Variants in RNF13 observed in about 807,000 individuals in gnomAD.
The protein encoded by RNF13 is ring finger protein 13, also known as E3 ubiquitin-protein ligase RNF13.
In RNF13, 19 loss-of-function variants were observed where a neutral mutation model predicts 37.7. The observed-to-expected ratio is 0.50, with a 90% CI of 0.35 to 0.74. The LOEUF (loss-of-function observed/expected upper bound fraction) is 0.74. Ranked by LOEUF, RNF13 falls within the 30% of genes least tolerant of loss-of-function variation. The pLI, the probability that RNF13 is intolerant of heterozygous loss-of-function variation, is 0.01. For missense variants in RNF13, 375 were observed against 453.0 expected (o/e 0.83, Z 1.56); for synonymous variants, 144 against 157.8 (o/e 0.91, Z 0.65).
At chr3:149,901,861 T>C (rs1186647381) in intron 5 of RNF13, among the ~76,000 whole-genome samples, 2 of 152,196 alleles carry the variant, frequency 1.3e-5, no homozygotes, top group Non-Finnish European at 2.9e-5. Context: ...TCAGGTAATG[T>C]GTATATGCAA....
At chr3:149,916,513 T>C (rs1008399760) in intron 7 of RNF13, among the ~76,000 whole-genome samples, 3 of 152,182 alleles carry the variant, frequency 2.0e-5, no homozygotes, top group African/African-American at 7.2e-5. Context: ...TCCCTGATGT[T>C]AAGTAGCTTA....
At chr3:149,833,717 G>A (rs56715598) in intron 1 of RNF13, among the ~76,000 whole-genome samples, 4,034 of 152,274 alleles carry the variant, frequency 0.026, 69 homozygotes, top group South Asian at 0.036. Context: ...AAGGATTCCT[G>A]CCTTTGCCAT....
intron 1 of RNF13, among the ~76,000 whole-genome samples, chr3:149,822,994 A>G (rs572495749): frequency 9.9e-5 from 15 of 152,212 alleles, no homozygotes; most frequent in African/African-American, 2.6e-4. Flanking sequence ...AATGTGAACA[A>G]TTTCAACCTC....
intron 3 of RNF13, among the ~76,000 whole-genome samples, chr3:149,864,653 T>C (rs1724619567): frequency 6.6e-6 from 1 of 152,176 alleles, no homozygotes; most frequent in Admixed American, 6.5e-5. Context: ...AGCTGGAATA[T>C]CATAAAATCA....
intron 5 of RNF13, among the ~76,000 whole-genome samples, chr3:149,899,183 G>A (rs901399438): frequency 6.6e-6 from 1 of 152,132 alleles, no homozygotes; most frequent in African/African-American, 2.4e-5. Context: ...CAGTGGCTCA[G>A]GCCTGTAATC....
At chr3:149,903,949 GTCT>G in intron 6 of RNF13, among the ~76,000 whole-genome samples, 1 of 146,990 alleles carries the variant, frequency 6.8e-6, no homozygotes. Context: ...CTGTCTGTCT[GTCT>G]GTCTGTCTGT....
At chr3:149,903,969 G>A (rs561301026) in intron 6 of RNF13, among the ~76,000 whole-genome samples, 5 of 149,332 alleles carry the variant, frequency 3.3e-5, no homozygotes, top group African/African-American at 1.2e-4. Flanking sequence ...CTGTCTGTCT[G>A]TCTATCTATC....
At chr3:149,829,887 T>C (rs1720880242) in intron 1 of RNF13, among the ~76,000 whole-genome samples, 1 of 152,164 alleles carries the variant, frequency 6.6e-6, no homozygotes, top group Non-Finnish European at 1.5e-5. Flanking sequence ...GGTGGTTTTT[T>C]CTGTGCTGTT....
rs748809049 is a variant in RNF13 at position 149,961,322 on chromosome 3, A to G, written c.*218A>G. The stretch of plus-strand genomic sequence containing the variant: ...GACTGGTGCTGTAACTCAAGCATCA[A>G]TTCAGCTCTTCTTTTGGAATGAAAG... On this transcript the variant is annotated 3_prime_UTR_variant, in exon 10 of 10. Transcript: ENST00000392894. 7 of 676,630 alleles carry G rather than the reference A, an allele frequency of 1.0e-5. No individual in the cohort carries two copies. The highest frequency in any genetic ancestry group is 3.6e-5 in the African/African-American group (2 of 56,108). 41.9% of individuals were successfully genotyped at this position (676,630 alleles called of 1,614,324 possible). A position where few individuals can be genotyped will look rare whatever the true frequency, so the allele number is the denominator to read the frequency against.
At chr3:149,846,771 A>C (rs1324584301) in intron 2 of RNF13, among the ~76,000 whole-genome samples, 1 of 152,172 alleles carries the variant, frequency 6.6e-6, no homozygotes, top group African/African-American at 2.4e-5. Context: ...CTTGGTACCT[A>C]GTACATCTCT....
intron 3 of RNF13, among the ~76,000 whole-genome samples, chr3:149,854,994 G>A (rs1247546628): frequency 6.6e-6 from 1 of 152,154 alleles, no homozygotes; most frequent in Non-Finnish European, 1.5e-5. Context: ...AAAATTTGGA[G>A]CACCGTGAGT....
At chr3:149,914,251 A>T (rs1437459886) in intron 7 of RNF13, among the ~76,000 whole-genome samples, 1 of 151,732 alleles carries the variant, frequency 6.6e-6, no homozygotes, top group Non-Finnish European at 1.5e-5. Context: ...GGTTCATCTT[A>T]TATTTTTTAT....
In RNF13 at chr3:149,961,952, G is replaced by GACTT. The variant is rs1454703706; in HGVS notation, c.*850_*853dup. ...TCAAGTATTGGATTTGAAAGTAAGT[G>GACTT]ACTTATGTTTAACAGAACTAATGAT... On this transcript the variant is annotated 3_prime_UTR_variant, in exon 10 of 10. Transcript: ENST00000392894. 6.6e-6 allele frequency: 1 copy of GACTT among 152,630 alleles called. No homozygotes were observed. Among genetic ancestry groups the GACTT allele is most frequent in the African/African-American group, 2.4e-5 (1 of 41,440 alleles). 9.5% of individuals were successfully genotyped at this position (152,630 alleles called of 1,614,324 possible).
At chr3:149,914,185 C>CT (rs978015730) in intron 7 of RNF13, among the ~76,000 whole-genome samples, 8 of 151,848 alleles carry the variant, frequency 5.3e-5, no homozygotes, top group Non-Finnish European at 1.0e-4. Flanking sequence ...AACGCTATCC[C>CT]TTTTTTTTAT....
At chr3:149,930,997 C>CA (rs1247356488) in intron 8 of RNF13, among the ~76,000 whole-genome samples, 73 of 152,050 alleles carry the variant, frequency 4.8e-4, no homozygotes, top group African/African-American at 1.8e-3. Flanking sequence ...TTTATCTTTT[C>CA]AAAGAACAAT....
rs761583687 is a variant in RNF13, at chr3:149,902,173, G to T, written c.500+11G>T. ...CACATATGAAAAAGGGTAAGTAATG[G>T]ATATAAAAAATCATGTTGCTTAAAA... On this transcript the variant is annotated intron_variant, in intron 6 of 9. Coordinates refer to ENST00000392894, the MANE Select transcript of RNF13 (RefSeq NM_183381.3). The T allele has an allele frequency of 1.6e-6, 2 of 1,278,590 alleles. No homozygotes were observed. The highest frequency in any genetic ancestry group is 2.8e-5 in the South Asian group (2 of 70,652). 79.2% of individuals were successfully genotyped at this position (1,278,590 alleles called of 1,614,324 possible).
At chr3:149,922,530 G>A (rs1304274674) in intron 8 of RNF13, among the ~76,000 whole-genome samples, 3 of 152,158 alleles carry the variant, frequency 2.0e-5, no homozygotes, top group Non-Finnish European at 4.4e-5. Flanking sequence ...TCTAAACAAT[G>A]TCAGTAGATA....
chr3:149,950,036 A>G (rs1405141392), intron 8 of RNF13, among the ~76,000 whole-genome samples: 2 of 152,028 alleles, frequency 1.3e-5, no homozygotes, highest in Non-Finnish European at 2.9e-5. Flanking sequence ...CATGTCCTTA[A>G]GCTCAAAGAT....
chr3:149,857,392 G>A (rs977864856), intron 3 of RNF13, among the ~76,000 whole-genome samples: 6 of 152,150 alleles, frequency 3.9e-5, no homozygotes, highest in Non-Finnish European at 5.9e-5. Context: ...ATTAAAATAT[G>A]GCACATCAGT....
Sources: allele counts gnomAD v4.1 joint callset (sites outside exome capture counted in the v4.1 genomes callset), GRCh38; gene constraint gnomAD v4.1.1; transcripts MANE v1.5; gene names NCBI Gene and HGNC (gene_info 2026-07-23, HGNC 2026-07-21).